Variants in PTPN14 observed in about 807,000 individuals in gnomAD.
The protein encoded by PTPN14 is protein tyrosine phosphatase non-receptor type 14, also known as tyrosine-protein phosphatase non-receptor type 14.
A neutral mutation model predicts 126.8 loss-of-function variants in PTPN14; 53 were observed. The ratio of observed to expected loss-of-function variants is 0.42; its 90% confidence interval spans 0.34 to 0.53. PTPN14 has a LOEUF of 0.53. PTPN14 is among the 20% of genes least tolerant of loss of function. PTPN14 has a pLI of 0.08. For synonymous variants in PTPN14, 630 were observed against 599.3 expected, an observed-to-expected ratio of 1.05 and a Z score of -0.75; for missense variants, 1,257 against 1,552.9, an observed-to-expected ratio of 0.81 and a Z score of 3.20.
chr1:214,447,573 A>G (rs1368067116), intron 3 of PTPN14, among the ~76,000 whole-genome samples: 2 of 147,576 alleles, frequency 1.4e-5, no homozygotes, highest in African/African-American at 5.0e-5. Flanking sequence ...GATTTCTTAC[A>G]TTTTTTTTTT....
At chr1:214,513,335 C>T (rs935516114) in intron 1 of PTPN14, among the ~76,000 whole-genome samples, 1 of 152,110 alleles carries the variant, frequency 6.6e-6, no homozygotes, top group Non-Finnish European at 1.5e-5. Context: ...TAAGACCCCG[C>T]TTACAATCTG....
At chr1:214,392,796 C>A (rs1658787732) in intron 10 of PTPN14, among the ~76,000 whole-genome samples, 2 of 152,178 alleles carry the variant, frequency 1.3e-5, no homozygotes, top group Admixed American at 6.5e-5. Context: ...AAAGAGCCTC[C>A]ACGGTGTGGA....
intron 1 of PTPN14, among the ~76,000 whole-genome samples, chr1:214,506,109 A>G (rs2102437526): frequency 6.6e-6 from 1 of 152,324 alleles, no homozygotes; most frequent in African/African-American, 2.4e-5. Context: ...ATTACTAAGG[A>G]AAGGAAACTA....
intron 1 of PTPN14, chr1:214,529,147 T>A (rs1655476103): frequency 6.6e-6 from 1 of 151,694 alleles, no homozygotes. Context: ...TACCAAAAAA[T>A]AAAAATTAAA....
chr1:214,509,688 T>C (rs4535975), intron 1 of PTPN14, among the ~76,000 whole-genome samples: 30,023 of 152,148 alleles, frequency 0.2, 5,826 homozygotes, highest in African/African-American at 0.51. Context: ...CACATGCACA[T>C]GTATGTTTAT....
At chr1:214,531,161 A>T (rs926156352) in intron 1 of PTPN14, 1 of 152,102 alleles carries the variant, frequency 6.6e-6, no homozygotes, top group African/African-American at 2.4e-5. Flanking sequence ...TTCAACACTA[A>T]TCCAAGTCTT....
intron 3 of PTPN14, among the ~76,000 whole-genome samples, chr1:214,436,783 T>A (rs1178924203): frequency 1.0e-5 from 1 of 96,454 alleles, no homozygotes; most frequent in Non-Finnish European, 1.9e-5. Flanking sequence ...AAAGACTCCG[T>A]CTCAAAAAAA....
Position 214,354,483 on chromosome 1 carries a change from C to G in PTPN14, c.*3439G>C, listed in dbSNP as rs1318057769. ...ATGTCTATGCTATCTGTAAATGCTACCAGATACTCTTGCTAAAAGATGGTA... is the reference window on the plus strand; with the variant it reads ...ATGTCTATGCTATCTGTAAATGCTAGCAGATACTCTTGCTAAAAGATGGTA... On this transcript the variant is annotated 3_prime_UTR_variant, in exon 19 of 19. Transcript: ENST00000366956. 1.3e-5 allele frequency: 2 copies of G among 152,134 alleles called. No individual in the cohort carries two copies. Among genetic ancestry groups the G allele is most frequent in the Non-Finnish European group, 2.9e-5 (2 of 68,024 alleles). 9.4% of individuals were successfully genotyped at this position (152,134 alleles called of 1,614,324 possible). A position where few individuals can be genotyped will look rare whatever the true frequency, so the allele number is the denominator to read the frequency against.
At chr1:214,362,769 G>A (rs890478922) in intron 18 of PTPN14, among the ~76,000 whole-genome samples, 3 of 152,192 alleles carry the variant, frequency 2.0e-5, no homozygotes, top group Non-Finnish European at 4.4e-5. Flanking sequence ...TCAGGAGACC[G>A]AGGTGGAAGG....
chr1:214,431,264 T>C (rs1659790979), intron 3 of PTPN14, among the ~76,000 whole-genome samples: 1 of 152,238 alleles, frequency 6.6e-6, no homozygotes, highest in Non-Finnish European at 1.5e-5. Context: ...AGGAAAATGA[T>C]GAAAGCAATC....
At chr1:214,358,875 T>A (rs1657887099) in intron 18 of PTPN14, among the ~76,000 whole-genome samples, 1 of 151,636 alleles carries the variant, frequency 6.6e-6, no homozygotes, top group East Asian at 2.0e-4. Context: ...CCGGAGTAGC[T>A]GGGATTACAG....
At chr1:214,419,651 T>C (rs963832886) in intron 3 of PTPN14, among the ~76,000 whole-genome samples, 6 of 152,138 alleles carry the variant, frequency 3.9e-5, no homozygotes. Flanking sequence ...GCTGATGTTA[T>C]ATTCTGCAAA....
chr1:214,386,953 G>A (rs1558080123), intron 11 of PTPN14, 31 bp from the exon 12 acceptor site: 1 of 1,534,490 alleles, frequency 6.5e-7, no homozygotes, highest in Non-Finnish European at 9.0e-7. Context: ...GAGGTGGGGA[G>A]GCCTGGGCAG....
intron 1 of PTPN14, among the ~76,000 whole-genome samples, chr1:214,541,389 T>C (rs1390069455): frequency 6.6e-6 from 1 of 152,170 alleles, no homozygotes; most frequent in East Asian, 1.9e-4. Context: ...GCTAGGAAGT[T>C]AGGTGTGATC....
intron 1 of PTPN14, chr1:214,533,354 A>C (rs1249511091): frequency 2.1e-6 from 1 of 484,044 alleles, no homozygotes; most frequent in Non-Finnish European, 3.9e-6. Flanking sequence ...TTCAATCTTC[A>C]ATCTTGGTGA....
intron 3 of PTPN14, among the ~76,000 whole-genome samples, chr1:214,437,088 A>T (rs1431364485): frequency 6.6e-6 from 1 of 152,134 alleles, no homozygotes; most frequent in Non-Finnish European, 1.5e-5. Context: ...CCAGTGCCAG[A>T]AATAATATTT....
intron 14 of PTPN14, among the ~76,000 whole-genome samples, chr1:214,376,953 C>T (rs1658356237): frequency 6.6e-6 from 1 of 152,202 alleles, no homozygotes; most frequent in Admixed American, 6.5e-5. Flanking sequence ...TACATACTGG[C>T]AGAAATCGAA....
intron 3 of PTPN14, among the ~76,000 whole-genome samples, chr1:214,450,305 C>T (rs1292587761): frequency 1.3e-5 from 2 of 151,490 alleles, no homozygotes; most frequent in Non-Finnish European, 2.9e-5. Flanking sequence ...AACCCCGTCT[C>T]TACCATAAAT....
At chr1:214,526,044 C>T (rs1378894980) in intron 1 of PTPN14, among the ~76,000 whole-genome samples, 1 of 151,242 alleles carries the variant, frequency 6.6e-6, no homozygotes, top group African/African-American at 2.4e-5. Flanking sequence ...CAGCTCGCTG[C>T]AGCCCCTGTC....
Sources: allele counts gnomAD v4.1 joint callset (sites outside exome capture counted in the v4.1 genomes callset), GRCh38; gene constraint gnomAD v4.1.1; transcripts MANE v1.5; gene names NCBI Gene and HGNC (gene_info 2026-07-23, HGNC 2026-07-21).